The following MUC6 variants were observed in gnomAD, a reference collection of about 807,000 sequenced individuals.
MUC6 encodes mucin-6.
In MUC6, 188 loss-of-function variants were observed where a neutral mutation model predicts 201.5. The observed-to-expected ratio is 0.93, with a 90% confidence interval of 0.83 to 1.05. MUC6 has a LOEUF of 1.05. MUC6 is among the 50% of genes least tolerant of loss of function. The probability of loss-of-function intolerance (pLI) is 0.00; values close to 1 mark genes in which losing one functional copy is unlikely to be tolerated. For missense variants in MUC6, 2,706 were observed against 3,256.9 expected, an observed-to-expected ratio of 0.83 and a Z score of 4.12; for synonymous variants, 1,228 against 1,389.4, an observed-to-expected ratio of 0.88 and a Z score of 2.58.
chr11:1,031,511 C>T, intron 4 of MUC6, 96 bp downstream of exon 4: 4 of 1,500,702 alleles, frequency 2.7e-6, no homozygotes, highest in Middle Eastern at 2.4e-4. Context: ...AGCCTGAGGG[C>T]TGGCTGGGAC....
intron 19 of MUC6, 104 bp from the exon 20 acceptor site, chr11:1,026,582 C>G: frequency 7.7e-7 from 1 of 1,290,746 alleles, no homozygotes; most frequent in East Asian, 2.6e-5. Flanking sequence ...CAGGTCCTCT[C>G]CCTGAATACA....
In MUC6 at chr11:1,023,930, G is replaced by A; in HGVS notation, c.3382+17C>T. On this transcript the variant is annotated intron_variant, in intron 25 of 32. Coordinates refer to ENST00000421673, the MANE Select transcript of MUC6 (RefSeq NM_005961.3). ...TGGCAGGGGCTGGAGCAACCTGTGG[G>A]AGGGGTGGTCACTCACGGCAGAAGG... The A allele has an allele frequency of 6.2e-7, 1 of 1,610,284 alleles. No individual in the cohort carries two copies. The highest frequency in any genetic ancestry group is 8.5e-7 in the Non-Finnish European group (1 of 1,178,548).
Position 1,030,730 on chromosome 11 carries a change from C to T in MUC6, c.735G>A (p.Val245=). The change falls in exon 7 of 33, where the codon GTG becomes GTA. Residue 245 remains valine (V), a synonymous_variant. Transcript: ENST00000421673. ...LLTLVAPECS[V]SKEPFVLSCQ... ...AGCTTAGCACGAAGGGCTCCTTGGA[C>T]ACGCTGCACTCAGGGGCCACCAGGG... is the stretch of plus-strand genomic sequence containing the variant. 1 of 1,543,724 alleles carries T rather than the reference C, an allele frequency of 6.5e-7. No homozygotes were observed. The highest frequency in any genetic ancestry group is 1.2e-5 in the South Asian group (1 of 84,116).
intron 28 of MUC6, 37 bp from the exon 29 acceptor site, chr11:1,020,294 C>A: frequency 1.3e-6 from 2 of 1,569,846 alleles, no homozygotes; most frequent in Non-Finnish European, 1.7e-6. Context: ...CTGCAGGGTA[C>A]CGGCATATCC....
chr11:1,030,366 T>TGCCACCCCC, intron 7 of MUC6, 31 bp from the exon 8 acceptor site: 2 of 1,489,596 alleles, frequency 1.3e-6, no homozygotes, highest in Non-Finnish European at 1.8e-6. Flanking sequence ...GGTGAGAGGG[T>TGCCACCCCC]CCCACCCCCC....
At chr11:1,024,669 G>T (rs369468834) in intron 24 of MUC6, among the ~76,000 whole-genome samples, 175 bp downstream of exon 24, 83 of 152,308 alleles carry the variant, frequency 5.4e-4, no homozygotes, top group African/African-American at 1.9e-3. Context: ...TGCACGAGTC[G>T]GCCCCACATC....
rs540889268 is a variant in MUC6, at chr11:1,031,446, C to G, written c.483+161G>C. Among the ~76,000 whole-genome samples, 3 of 152,250 alleles carry G rather than the reference C, an allele frequency of 2.0e-5. No individual in the cohort carries two copies. The East Asian group carries it at 5.8e-4, about 30-fold the overall frequency. On this transcript the variant is annotated intron_variant, in intron 4 of 32. Transcript: ENST00000421673. ...TCACCCACAAAACCCAGTCCTGGCTCATGTTGCTGGTCAGGGGTCAGCACT... is the reference window on the plus strand; with the variant it reads ...TCACCCACAAAACCCAGTCCTGGCTGATGTTGCTGGTCAGGGGTCAGCACT...
chr11:1,032,191 C>G (rs1857121868), intron 2 of MUC6, 138 bp from the exon 3 acceptor site: 2 of 1,178,446 alleles, frequency 1.7e-6, no homozygotes, highest in Admixed American at 4.8e-5. Flanking sequence ...CCCCAGACAT[C>G]CGATGAACCT....
At chr11:1,021,096 G>T in intron 27 of MUC6, 119 bp downstream of exon 27, 1 of 1,003,970 alleles carries the variant, frequency 1.0e-6, no homozygotes, top group Non-Finnish European at 1.4e-6. Flanking sequence ...TGGAGTCCCA[G>T]AGCTCACGTA....
Position 1,033,290 on chromosome 11 carries a change from T to G in MUC6, c.53-215A>C. 1 of 591,126 alleles carries G rather than the reference T, an allele frequency of 1.7e-6. No individual in the cohort carries two copies. Among genetic ancestry groups the G allele is most frequent in the Middle Eastern group, 4.5e-4 (1 of 2,220 alleles). The allele number at this position is 591,126 out of a possible 1,614,324, so 36.6% of individuals were successfully genotyped here. A position where few individuals can be genotyped will look rare whatever the true frequency, so the allele number is the denominator to read the frequency against. On this transcript the variant is annotated intron_variant, in intron 1 of 32. Transcript: ENST00000421673. This position sits in a 1 kb window ranked among gnomAD's most constrained non-coding sequence, Gnocchi z 5.6. ...GCCCCAGCTTCCTTCCCTGCTCTCG[T>G]TCACTCCCTCGTTTGTCCACTCAGT...
chr11:1,023,009 A>C (rs1019995170), intron 26 of MUC6, among the ~76,000 whole-genome samples: 9 of 151,606 alleles, frequency 5.9e-5, no homozygotes, highest in Non-Finnish European at 1.0e-4. Flanking sequence ...TGTGTGAATG[A>C]GCATGAATGA....
At chr11:1,018,895 G>GC in intron 30 of MUC6, 125 bp from the exon 31 acceptor site, 5 of 1,274,128 alleles carry the variant, frequency 3.9e-6, no homozygotes, top group Non-Finnish European at 5.3e-6. Context: ...CTGTGACATG[G>GC]CCCCTGCTGG....
Position 1,031,731 on chromosome 11 carries a change from A to G in MUC6, c.359T>C (p.Val120Ala), listed in dbSNP as rs755688313. The G allele has an allele frequency of 6.5e-7, 1 of 1,550,016 alleles. No individual in the cohort carries two copies. The highest frequency in any genetic ancestry group is 8.7e-7 in the Non-Finnish European group (1 of 1,146,772). ...EAIISVKDIG[V>A]ISLPYTSNGL... ...ATTGCTGGTATAGGGCAGGCTGATG[A>G]CCCTGTGGGGCAAGGGAAGTCGGTG... Residue 120 changes from valine to alanine, a missense_variant and splice_region_variant, in exon 4 of 33, where the codon GTC becomes GCC. Val to Ala is a moderately conservative substitution (Grantham distance 64). This residue lies in a region of MUC6 where 1,850 missense variants were observed against 1,958.3 expected (regional missense o/e 0.94). Coordinates refer to ENST00000421673, the MANE Select transcript of MUC6 (RefSeq NM_005961.3).
At position 1,028,395 on chromosome 11, in the gene MUC6, G is replaced by T. The variant is rs374015945; in HGVS notation, c.1592-8C>A. ...TGAAGTTGCCGCAGAGCCCTGAGCC[G>T]GCGGGGCGTGAGCTCGACTTGAACC... On this transcript the variant is annotated splice_region_variant and splice_polypyrimidine_tract_variant and intron_variant, in intron 13 of 32. Coordinates refer to ENST00000421673, the MANE Select transcript of MUC6 (RefSeq NM_005961.3). 1.2e-6 allele frequency: 2 copies of T among 1,610,630 alleles called. No homozygotes were observed. Among genetic ancestry groups the T allele is most frequent in the African/African-American group, 2.7e-5 (2 of 74,930 alleles).
chr11:1,027,655 G>T lies in MUC6; in HGVS notation c.1981+30C>A, dbSNP rs766395339. 1.0e-5 allele frequency: 16 copies of T among 1,582,412 alleles called. No homozygotes were observed. In the South Asian group the frequency reaches 1.7e-4, roughly 17 times the overall value. The stretch of plus-strand genomic sequence containing the variant: ...CCCCCTCGTGAGCCCAGCCTGCCGT[G>T]ACCCCGCTTAAGCCCCGTCGGGCAC... On this transcript the variant is annotated intron_variant, in intron 16 of 32. Transcript: ENST00000421673.
At chr11:1,031,779 C>G (rs1416060919) in intron 3 of MUC6, 34 bp downstream of exon 3, 1 of 1,557,210 alleles carries the variant, frequency 6.4e-7, no homozygotes. Flanking sequence ...TCCTCCGGCC[C>G]CCGAGCCCCC....
At chr11:1,025,767 G>T in intron 22 of MUC6, 38 bp downstream of exon 22, 1 of 1,557,576 alleles carries the variant, frequency 6.4e-7, no homozygotes, top group Non-Finnish European at 8.7e-7. Flanking sequence ...GCCCCCTACC[G>T]CCCGTCCTGC....
chr11:1,019,454 G>C lies in MUC6; in HGVS notation c.3851C>G (p.Ser1284Ter). The C allele has an allele frequency of 6.2e-7, 1 of 1,613,914 alleles. No individual in the cohort carries two copies. The highest frequency in any genetic ancestry group is 8.5e-7 in the Non-Finnish European group (1 of 1,179,874). Reference sequence around the variant, plus strand: ...CAGTGTGGCTGTGGGAGGCAGCCCTGATGTGGCTTGTGGGGTGACGGCCGT... The same window carrying C: ...CAGTGTGGCTGTGGGAGGCAGCCCTCATGTGGCTTGTGGGGTGACGGCCGT... ...PTTAVTPQAT[S>*]GLPPTATLRS... is the part of the protein sequence containing the mutation. Residue 1284 changes from serine (S) to a stop codon, truncating the protein, a stop_gained, in exon 30 of 33, where the codon TCA becomes TGA. Coordinates refer to ENST00000421673, the MANE Select transcript of MUC6 (RefSeq NM_005961.3). LOFTEE classifies it high-confidence loss of function.
intron 4 of MUC6, 136 bp downstream of exon 4, chr11:1,031,471 T>G: frequency 1.4e-6 from 2 of 1,406,668 alleles, no homozygotes; most frequent in Non-Finnish European, 1.9e-6. Context: ...GGGTCAGCAC[T>G]GCTTGGCACG....
Sources: allele counts gnomAD v4.1 joint callset (sites outside exome capture counted in the v4.1 genomes callset), GRCh38; gene constraint gnomAD v4.1.1; regional missense constraint gnomAD v4.1.1; non-coding constraint Gnocchi (gnomAD v3.1); transcripts MANE v1.5; gene names NCBI Gene and HGNC (gene_info 2026-07-23, HGNC 2026-07-21).